The following ROBO2 variants were observed in gnomAD, a reference collection of about 807,000 sequenced individuals.
The protein encoded by ROBO2 is roundabout guidance receptor 2.
Under a neutral mutation model 160.8 loss-of-function variants are expected in ROBO2, and 53 were observed. The observed-to-expected ratio is 0.33, with a 90% CI of 0.26 to 0.41. The LOEUF (loss-of-function observed/expected upper bound fraction) is 0.41, where lower values mean the gene tolerates loss of function less well. Among genes scored for constraint, ROBO2 ranks in the 10% least tolerant of loss-of-function variants. ROBO2 has a pLI of 1.00. For synonymous variants in ROBO2, 664 were observed against 611.7 expected (o/e 1.09, Z -1.26); for missense variants, 1,577 against 1,722.4 (o/e 0.92, Z 1.49).
intron 2 of ROBO2, among the ~76,000 whole-genome samples, chr3:76,989,090 C>G (rs990095848): frequency 2.0e-5 from 3 of 152,050 alleles, no homozygotes; most frequent in African/African-American, 7.2e-5. Context: ...CTTTTGCATT[C>G]TTATCTATAC....
intron 6 of ROBO2, among the ~76,000 whole-genome samples, chr3:77,528,073 A>C (rs1181310487): frequency 1.3e-5 from 2 of 151,632 alleles, no homozygotes; most frequent in Non-Finnish European, 3.0e-5. Context: ...GCTTTTGCAG[A>C]TATTTAAGTG....
chr3:76,847,728 A>G (rs569919742), intron 2 of ROBO2, among the ~76,000 whole-genome samples: 2 of 152,084 alleles, frequency 1.3e-5, no homozygotes, highest in East Asian at 3.9e-4. Flanking sequence ...TCTTCTTTTG[A>G]TGACTTTTTT....
chr3:76,665,873 G>A (rs537810100), intron 2 of ROBO2, among the ~76,000 whole-genome samples: 6 of 128,182 alleles, frequency 4.7e-5, no homozygotes, highest in Admixed American at 1.6e-4. Context: ...ATGTATATAC[G>A]TATTATATAT....
intron 2 of ROBO2, among the ~76,000 whole-genome samples, chr3:76,456,139 T>C (rs1348589865): frequency 6.6e-6 from 1 of 152,178 alleles, no homozygotes; most frequent in Non-Finnish European, 1.5e-5. Context: ...ATTCAGTAAA[T>C]GGACTAGTAC....
chr3:76,324,362 T>C (rs1244733230), intron 2 of ROBO2, among the ~76,000 whole-genome samples: 1 of 152,238 alleles, frequency 6.6e-6, no homozygotes, highest in East Asian at 1.9e-4. Flanking sequence ...GTTGCTTGTG[T>C]ATACCTTAGG....
rs185198061 is a variant in ROBO2, at chr3:76,682,639, C to A, written c.110-415375C>A. On this transcript the variant is annotated intron_variant, in intron 2 of 26. Transcript: ENST00000487694. ...GCCAGGCTGGTCTTGAACTCCTGAC[C>A]TCGTGATCCACCTGCCTCTGCCTCC... is the stretch of plus-strand genomic sequence containing the variant. 3.4e-3 allele frequency among the ~76,000 whole-genome samples: 523 copies of A among 152,162 alleles called. 3 individuals carry two copies. Among genetic ancestry groups the A allele is most frequent in the African/African-American group, 0.012 (494 of 41,544 alleles).
intron 2 of ROBO2, among the ~76,000 whole-genome samples, chr3:76,298,167 T>G (rs1244866706): frequency 6.6e-6 from 1 of 152,218 alleles, no homozygotes; most frequent in Non-Finnish European, 1.5e-5. Flanking sequence ...GTGATTTAAT[T>G]GTTTAGCAAA....
intron 2 of ROBO2, among the ~76,000 whole-genome samples, chr3:76,329,748 AT>A (rs1159798912): frequency 6.6e-6 from 1 of 152,214 alleles, no homozygotes; most frequent in Non-Finnish European, 1.5e-5. Flanking sequence ...TTTAACACAA[AT>A]TTTGAAGTAA....
chr3:77,644,969 C>T, intron 25 of ROBO2, 65 bp downstream of exon 27: 1 of 1,456,230 alleles, frequency 6.9e-7, no homozygotes, highest in Non-Finnish European at 9.6e-7. Context: ...AATAACATTG[C>T]CACATTAAAC....
exon 26 of ROBO2, chr3:77,648,831 T>A (rs1403222456): frequency 6.6e-6 from 1 of 152,158 alleles, no homozygotes; most frequent in Non-Finnish European, 1.5e-5. Context: ...AGAAATTCAC[T>A]GAGCTCACTC....
intron 2 of ROBO2, among the ~76,000 whole-genome samples, chr3:76,202,625 T>C (rs894944236): frequency 1.3e-5 from 2 of 152,144 alleles, no homozygotes; most frequent in Non-Finnish European, 2.9e-5. Context: ...AGAATAATTA[T>C]TGAAGCAGTT....
chr3:76,213,177 G>T (rs1422299944), intron 2 of ROBO2, among the ~76,000 whole-genome samples: 2 of 152,010 alleles, frequency 1.3e-5, no homozygotes, highest in Non-Finnish European at 2.9e-5. Flanking sequence ...AGAGATTTTG[G>T]ATTGGCCATT....
In ROBO2 at chr3:76,273,120, A is replaced by AATATATATATATATATATATAT. The variant is rs749043409; in HGVS notation, c.109+335524_109+335545dup. Among the ~76,000 whole-genome samples the AATATATATATATATATATATAT allele has an allele frequency of 1.3e-3, 43 of 32,336 alleles. 1 individual carries two copies. The highest frequency in any genetic ancestry group is 0.023 in the Middle Eastern group (1 of 44). The allele number at this position is 32,336 out of a possible 152,430, so 21.2% of individuals were successfully genotyped here. A position where few individuals can be genotyped will look rare whatever the true frequency, so the allele number is the denominator to read the frequency against. On this transcript the variant is annotated intron_variant, in intron 2 of 26. Transcript: ENST00000487694. ...ACACACATATACACACACACATATA[A>AATATATATATATATATATATAT]ATATATATATATATATATATATATA...
chr3:76,205,057 G>A (rs544309386), intron 2 of ROBO2, among the ~76,000 whole-genome samples: 2 of 152,164 alleles, frequency 1.3e-5, no homozygotes, highest in South Asian at 4.2e-4. Context: ...TTGGATAAAG[G>A]CCTGAACAAC....
At chr3:76,553,887 T>C (rs1244758699) in intron 2 of ROBO2, among the ~76,000 whole-genome samples, 5 of 152,196 alleles carry the variant, frequency 3.3e-5, no homozygotes, top group African/African-American at 7.2e-5. Flanking sequence ...TGCTCATTAT[T>C]ATCATGGGTG....
At chr3:77,467,693 A>C (rs191789044) in intron 2 of ROBO2, among the ~76,000 whole-genome samples, 1 of 151,892 alleles carries the variant, frequency 6.6e-6, no homozygotes, top group Non-Finnish European at 1.5e-5. Context: ...AGGAGGCAGT[A>C]TTATAACCTT....
chr3:77,364,709 T>C (rs553913032), intron 2 of ROBO2, among the ~76,000 whole-genome samples: 144 of 152,162 alleles, frequency 9.5e-4, no homozygotes, highest in Non-Finnish European at 1.7e-3. Context: ...TTATGCTTTT[T>C]TTGAGAGTAT....
At chr3:77,201,046 G>T (rs1346782479) in intron 2 of ROBO2, among the ~76,000 whole-genome samples, 1 of 152,124 alleles carries the variant, frequency 6.6e-6, no homozygotes, top group Non-Finnish European at 1.5e-5. Flanking sequence ...CTCCTACTAG[G>T]TGTTCATCAT....
chr3:75,973,881 A>G (rs1361783502), intron 2 of ROBO2, among the ~76,000 whole-genome samples: 1 of 151,484 alleles, frequency 6.6e-6, no homozygotes, highest in Non-Finnish European at 1.5e-5. Context: ...AAAATTAATT[A>G]CCCAGGGTTA....
Sources: allele counts gnomAD v4.1 joint callset (sites outside exome capture counted in the v4.1 genomes callset), GRCh38; gene constraint gnomAD v4.1.1; transcripts MANE v1.5; gene names NCBI Gene and HGNC (gene_info 2026-07-23, HGNC 2026-07-21).